Variants in APAF1 observed in about 807,000 individuals in gnomAD.
APAF1 encodes apoptotic peptidase activating factor 1.
In APAF1, 91 loss-of-function variants were observed where a neutral mutation model predicts 152.4. That is an observed-to-expected ratio of 0.60 (90% CI 0.50 to 0.71). The LOEUF is 0.71. APAF1 is among the 30% of genes least tolerant of loss of function. The pLI, the probability that APAF1 is intolerant of heterozygous loss-of-function variation, is 0.00. For missense variants in APAF1, 1,283 were observed against 1,472.0 expected, an observed-to-expected ratio of 0.87 and a Z score of 2.10; for synonymous variants, 484 against 494.1, an observed-to-expected ratio of 0.98 and a Z score of 0.27.
At chr12:98,687,188 C>G (rs971880765) in intron 16 of APAF1, among the ~76,000 whole-genome samples, 3 of 152,146 alleles carry the variant, frequency 2.0e-5, no homozygotes, top group South Asian at 4.1e-4. Context: ...GATGGTGAAA[C>G]CCCGTCTCTA....
intron 7 of APAF1, among the ~76,000 whole-genome samples, chr12:98,664,925 A>G (rs547661094): frequency 4.2e-4 from 64 of 152,304 alleles, no homozygotes; most frequent in Non-Finnish European, 6.9e-4. Context: ...ATATTGATAT[A>G]TCTTAATTTA....
chr12:98,649,424 G>A (rs2097646183), intron 3 of APAF1, 63 bp from the exon 4 acceptor site: 5 of 1,559,754 alleles, frequency 3.2e-6, no homozygotes, highest in Admixed American at 1.7e-5. Flanking sequence ...GTTTTTTATG[G>A]TATTACTTCA....
At chr12:98,662,343 GT>G (rs201869264) in intron 5 of APAF1, 112 bp from the exon 6 acceptor site, 143 of 763,356 alleles carry the variant, frequency 1.9e-4, no homozygotes, top group East Asian at 3.0e-4. Flanking sequence ...CCATCTATTT[GT>G]TTTAAAAAAA....
intron 4 of APAF1, among the ~76,000 whole-genome samples, 180 bp downstream of exon 4, chr12:98,649,864 A>AGAT (rs2097646695): frequency 6.6e-6 from 1 of 152,180 alleles, no homozygotes; most frequent in South Asian, 2.1e-4. Context: ...TTCCTGAATG[A>AGAT]GATGACATCT....
chr12:98,723,101 G>C, intron 22 of APAF1, 92 bp from the exon 23 acceptor site: 2 of 1,355,510 alleles, frequency 1.5e-6, no homozygotes, highest in Non-Finnish European at 2.1e-6. Context: ...GTGAGTAAAA[G>C]ACTTTAGACA....
chr12:98,694,829 C>G (rs145624115), intron 16 of APAF1, among the ~76,000 whole-genome samples: 2 of 149,940 alleles, frequency 1.3e-5, no homozygotes, highest in Non-Finnish European at 3.0e-5. Context: ...GAATTGTGAA[C>G]TTTTAAATTG....
intron 17 of APAF1, among the ~76,000 whole-genome samples, chr12:98,703,001 A>G (rs2097717298): frequency 6.6e-6 from 1 of 152,148 alleles, no homozygotes; most frequent in Non-Finnish European, 1.5e-5. Flanking sequence ...TCTGCTCTAT[A>G]TTATTTTGAT....
In APAF1 at chr12:98,649,655, A is replaced by G. The variant is rs754700839; in HGVS notation, c.497A>G (p.Glu166Gly). 6.8e-6 allele frequency: 11 copies of G among 1,613,980 alleles called. No homozygotes were observed. The highest frequency in any genetic ancestry group is 9.3e-6 in the Non-Finnish European group (11 of 1,179,978). ...AGCGKSVLAA[E>G]AVRDHSLLEG... ...TGTGGGAAGTCTGTATTAGCTGCAG[A>G]AGCTGTTAGAGATCATTCCCTTTTA... Residue 166 changes from glutamate (E) to glycine (G), a missense_variant, in exon 4 of 27, where the codon GAA becomes GGA. Transcript: ENST00000551964.
chr12:98,675,293 A>G (rs146885431), intron 12 of APAF1, among the ~76,000 whole-genome samples: 2 of 152,198 alleles, frequency 1.3e-5, no homozygotes, highest in African/African-American at 2.4e-5. Flanking sequence ...GCCATCTACT[A>G]TATATCCTTT....
intron 14 of APAF1, 59 bp downstream of exon 14, chr12:98,680,461 T>C (rs750478743): frequency 7.1e-6 from 11 of 1,553,598 alleles, no homozygotes; most frequent in African/African-American, 1.4e-5. Context: ...TATTTTTCCA[T>C]GATCATGAGA....
intron 12 of APAF1, among the ~76,000 whole-genome samples, chr12:98,672,116 T>C (rs1483808377): frequency 6.6e-6 from 1 of 152,082 alleles, no homozygotes; most frequent in African/African-American, 2.4e-5. Context: ...AAAATGGAGA[T>C]AACAATCCTT....
In APAF1 at chr12:98,671,643, A is replaced by G; in HGVS notation, c.1717A>G (p.Thr573Ala). 8 of 1,614,072 alleles carry G rather than the reference A, an allele frequency of 5.0e-6. No homozygotes were observed. Among genetic ancestry groups the G allele is most frequent in the Non-Finnish European group, 6.8e-6 (8 of 1,180,006 alleles). Residue 573 changes from threonine to alanine, a missense_variant, in exon 12 of 27, where the codon ACT (threonine) becomes GCT (alanine). Physicochemically the swap from Thr to Ala is moderately conservative, Grantham distance 58 (BLOSUM62 0). Transcript: ENST00000551964. ...ACAACTGGGTCTCTGTGAGCCGGAA[A>G]CTTCAGAAGTTTATCAGCAAGCTAA... is the stretch of plus-strand genomic sequence containing the variant. ...IVQLGLCEPE[T>A]SEVYQQAKLQ...
intron 19 of APAF1, among the ~76,000 whole-genome samples, chr12:98,707,078 A>G (rs1021972222): frequency 6.6e-6 from 1 of 152,020 alleles, no homozygotes; most frequent in Non-Finnish European, 1.5e-5. Flanking sequence ...GCTTTTCTGC[A>G]TGCAGCTTCT....
chr12:98,655,746 T>C (rs897079365), intron 4 of APAF1, among the ~76,000 whole-genome samples: 5 of 151,724 alleles, frequency 3.3e-5, no homozygotes, highest in Admixed American at 2.6e-4. Flanking sequence ...CCTGAGTAGC[T>C]GGGCCACAGG....
In APAF1 at chr12:98,687,800, AG is replaced by A. The variant is rs1370005527; in HGVS notation, c.2304+929del. Among the ~76,000 whole-genome samples the A allele has an allele frequency of 2.6e-5, 4 of 152,182 alleles. No individual in the cohort carries two copies. In the East Asian group the frequency reaches 7.7e-4, roughly 29 times the overall value. On this transcript the variant is annotated intron_variant, in intron 16 of 26. Coordinates refer to ENST00000551964, the MANE Select transcript of APAF1 (RefSeq NM_181861.2). ...CAAGATCTATGGGTCAGGTTTGTAA[AG>A]GATCTGGCTTTTGTTTTTGTTTTTG...
At chr12:98,682,721 A>T (rs2153324885) in intron 14 of APAF1, among the ~76,000 whole-genome samples, 2 of 152,282 alleles carry the variant, frequency 1.3e-5, no homozygotes, top group East Asian at 3.9e-4. Flanking sequence ...CAGAAGAGGG[A>T]ACTGAGATGC....
intron 16 of APAF1, among the ~76,000 whole-genome samples, chr12:98,698,723 G>A (rs928285473): frequency 2.6e-5 from 4 of 152,204 alleles, no homozygotes; most frequent in Non-Finnish European, 4.4e-5. Context: ...GGCATGGGCA[G>A]TCATTATCAC....
chr12:98,667,256 T>C (rs945276535), intron 9 of APAF1, among the ~76,000 whole-genome samples: 2 of 151,928 alleles, frequency 1.3e-5, no homozygotes, highest in African/African-American at 4.8e-5. Context: ...CCACCACACC[T>C]GACTGATTTT....
At position 98,727,194 on chromosome 12, in the gene APAF1, G is replaced by A. The variant is rs184890158; in HGVS notation, c.3478G>A (p.Glu1160Lys). 5.6e-6 allele frequency: 9 copies of A among 1,614,122 alleles called. No homozygotes were observed. The East Asian group carries it at 2.0e-4, about 36-fold the overall frequency. Residue 1160 changes from glutamate (E) to lysine (K), a missense_variant, in exon 26 of 27, where the codon GAG becomes AAG. Coordinates refer to ENST00000551964, the MANE Select transcript of APAF1 (RefSeq NM_181861.2). ...GTAGATATGGAATGTCTCAAACGGT[G>A]AGCTTCTTCATTTGTGTGCTCCGCT... ...EIRIWNVSNGELLHLCAPLSE... is the reference protein window; with the variant it reads ...EIRIWNVSNGKLLHLCAPLSE...
Sources: gnomAD v4.1 joint callset for allele counts (sites outside exome capture counted in the v4.1 genomes callset) on GRCh38, gnomAD v4.1.1 for gene constraint, MANE v1.5 for transcripts, NCBI Gene and HGNC (gene_info 2026-07-23, HGNC 2026-07-21) for gene names.